The following EFCAB6 variants were observed in gnomAD, a reference collection of about 807,000 sequenced individuals.
EFCAB6 encodes EF-hand calcium binding domain 6, also known as EF-hand calcium-binding domain-containing protein 6.
In EFCAB6, 156 loss-of-function variants were observed where a neutral mutation model predicts 169.8. That is an observed-to-expected ratio of 0.92 (90% confidence interval 0.81 to 1.05). EFCAB6 has a LOEUF of 1.05. Among genes scored for constraint, EFCAB6 ranks in the 50% least tolerant of loss-of-function variants. The probability of loss-of-function intolerance (pLI) is 0.00; values close to 1 mark genes in which losing one functional copy is unlikely to be tolerated. For missense variants in EFCAB6, 1,800 were observed against 1,829.1 expected (o/e 0.98, Z 0.29); for synonymous variants, 698 against 676.4 (o/e 1.03, Z -0.50).
intron 15 of EFCAB6, 30 bp from the exon 16 acceptor site, chr22:43,669,075 T>C (rs1225522081): frequency 1.3e-6 from 2 of 1,538,214 alleles, no homozygotes; most frequent in East Asian, 2.3e-5. Context: ...TAAAACACAC[T>C]CAGTAGAGTA....
chr22:43,556,222 G>A (rs191736781), intron 26 of EFCAB6, among the ~76,000 whole-genome samples: 1 of 152,114 alleles, frequency 6.6e-6, no homozygotes, highest in Admixed American at 6.5e-5. Flanking sequence ...GGTCAGGGGT[G>A]GGGGGAAATG....
intron 3 of EFCAB6, among the ~76,000 whole-genome samples, chr22:43,777,652 A>C (rs879756296): frequency 9.9e-5 from 15 of 151,972 alleles, no homozygotes; most frequent in Non-Finnish European, 1.8e-4. Context: ...TCAGAGGGAG[A>C]TCCCTCTTGT....
intron 17 of EFCAB6, among the ~76,000 whole-genome samples, chr22:43,638,980 T>A (rs2055621524): frequency 6.6e-6 from 1 of 152,048 alleles, no homozygotes; most frequent in Admixed American, 6.5e-5. Context: ...AGATGGGGTT[T>A]CTCCATGTTG....
intron 19 of EFCAB6, among the ~76,000 whole-genome samples, chr22:43,631,631 T>C (rs1205135329): frequency 6.6e-6 from 1 of 152,006 alleles, no homozygotes; most frequent in Non-Finnish European, 1.5e-5. Context: ...CCAATTACTA[T>C]GAATATGACT....
At chr22:43,573,802 G>A (rs931127678) in intron 26 of EFCAB6, among the ~76,000 whole-genome samples, 1 of 151,402 alleles carries the variant, frequency 6.6e-6, no homozygotes, top group African/African-American at 2.4e-5. Context: ...TGTCCCAAGG[G>A]GTGATTGTAA....
At chr22:43,555,194 G>A (rs778950625) in intron 26 of EFCAB6, 98 bp from the exon 27 acceptor site, 59 of 1,285,330 alleles carry the variant, frequency 4.6e-5, no homozygotes, top group Non-Finnish European at 5.3e-5. Context: ...GAGACCCAGC[G>A]TGGTGGGGAG....
At chr22:43,650,857 G>A (rs1602959746) in intron 17 of EFCAB6, among the ~76,000 whole-genome samples, 1 of 151,930 alleles carries the variant, frequency 6.6e-6, no homozygotes, top group Non-Finnish European at 1.5e-5. Flanking sequence ...CTGCCCTAGA[G>A]ATTTGTGGAA....
intron 8 of EFCAB6, among the ~76,000 whole-genome samples, chr22:43,721,537 A>G (rs1005715468): frequency 6.6e-6 from 1 of 152,218 alleles, no homozygotes; most frequent in African/African-American, 2.4e-5. Context: ...ACACTAGTAC[A>G]AAAACAGACA....
At position 43,781,181 on chromosome 22, in the gene EFCAB6, A is replaced by G. The variant is rs548772863; in HGVS notation, c.139+999T>C. 4.6e-5 allele frequency among the ~76,000 whole-genome samples: 7 copies of G among 152,356 alleles called. 1 individual carries two copies. Among genetic ancestry groups the G allele is most frequent in the African/African-American group, 1.7e-4 (7 of 41,584 alleles). ...AAAGGATACGTATTTTTGGAAAATA[A>G]TAACGTCAAATTCTGTTGCTTTTAA... On this transcript the variant is annotated intron_variant, in intron 3 of 31. Coordinates refer to ENST00000262726, the MANE Select transcript of EFCAB6 (RefSeq NM_022785.4).
chr22:43,640,259 C>T (rs5764176), intron 17 of EFCAB6, among the ~76,000 whole-genome samples: 35,204 of 152,020 alleles, frequency 0.23, 5,335 homozygotes, highest in East Asian at 0.62. Flanking sequence ...CAAAGAGTGA[C>T]ATGTTTTATG....
chr22:43,600,106 C>T lies in EFCAB6; in HGVS notation c.2839G>A (p.Glu947Lys). The change falls in exon 23 of 32, where the codon GAG (glutamate) becomes AAG (lysine). Residue 947 changes from glutamate (E) to lysine (K), a missense_variant. Physicochemically the swap from Glu to Lys is moderately conservative, Grantham distance 56 (BLOSUM62 1). Coordinates refer to ENST00000262726, the MANE Select transcript of EFCAB6 (RefSeq NM_022785.4). The part of the protein sequence containing the change: ...KPQQLQEEMK[E>K]LQQSTEKAVA... ...GCCTTCTCTGTGCTCTGCTGCAGCT[C>T]CTTCATCTCTTCCTGTAGCTGCTGT... The T allele has an allele frequency of 6.2e-7, 1 of 1,614,100 alleles. No individual in the cohort carries two copies. The highest frequency in any genetic ancestry group is 8.5e-7 in the Non-Finnish European group (1 of 1,180,012).
intron 12 of EFCAB6, among the ~76,000 whole-genome samples, chr22:43,680,689 A>G (rs1340034485): frequency 2.0e-5 from 3 of 152,048 alleles, no homozygotes; most frequent in Admixed American, 6.6e-5. Context: ...ATTCCTAGGT[A>G]TTTTATTCTT....
rs780860882 is a variant in EFCAB6 at position 43,600,180 on chromosome 22, C to T, written c.2765G>A (p.Arg922Gln). The change falls in exon 23 of 32, where the codon CGG (arginine) becomes CAG (glutamine). Residue 922 changes from arginine (R) to glutamine (Q), a missense_variant. Coordinates refer to ENST00000262726, the MANE Select transcript of EFCAB6 (RefSeq NM_022785.4). ...GTTGAAATAATCCTCTGCACAGGGC[C>T]GATGGACAGCAGGCGAATAGTTAAT... ...LGINYSPAVH[R>Q]PCAEDYFNFM... 11 of 1,614,030 alleles carry T rather than the reference C, an allele frequency of 6.8e-6. No homozygotes were observed. The highest frequency in any genetic ancestry group is 4.4e-5 in the South Asian group (4 of 91,060).
chr22:43,569,889 A>T (rs1351396658), intron 26 of EFCAB6, among the ~76,000 whole-genome samples: 1 of 152,222 alleles, frequency 6.6e-6, no homozygotes, highest in Non-Finnish European at 1.5e-5. Flanking sequence ...ATATCTTAAT[A>T]ATTTACTTAA....
intron 16 of EFCAB6, among the ~76,000 whole-genome samples, 154 bp from the exon 17 acceptor site, chr22:43,667,426 C>T (rs2057313451): frequency 6.6e-6 from 1 of 152,130 alleles, no homozygotes; most frequent in South Asian, 2.1e-4. Flanking sequence ...TCAGGGGCTT[C>T]TTACCCTCCC....
intron 20 of EFCAB6, among the ~76,000 whole-genome samples, chr22:43,624,903 G>A (rs777105884): frequency 1.3e-5 from 2 of 152,066 alleles, no homozygotes; most frequent in Admixed American, 6.5e-5. Context: ...ATGTTCGTTC[G>A]GCAGAGAATG....
intron 12 of EFCAB6, among the ~76,000 whole-genome samples, chr22:43,683,241 G>C (rs1318798277): frequency 6.6e-6 from 1 of 152,184 alleles, no homozygotes; most frequent in Non-Finnish European, 1.5e-5. Context: ...AGTCAGACAG[G>C]AGCTAATGGT....
At chr22:43,657,499 A>T (rs1246533446) in intron 17 of EFCAB6, among the ~76,000 whole-genome samples, 1 of 152,184 alleles carries the variant, frequency 6.6e-6, no homozygotes, top group Non-Finnish European at 1.5e-5. Flanking sequence ...CCATTAGAAA[A>T]AGAAAACAAT....
chr22:43,793,082 T>C (rs1388179152), intron 2 of EFCAB6, among the ~76,000 whole-genome samples: 3 of 152,162 alleles, frequency 2.0e-5, no homozygotes, highest in Non-Finnish European at 4.4e-5. Flanking sequence ...TTACACCACC[T>C]GAGGAGTAAG....
Sources: gnomAD v4.1 joint callset for allele counts (sites outside exome capture counted in the v4.1 genomes callset) on GRCh38, gnomAD v4.1.1 for gene constraint, MANE v1.5 for transcripts, NCBI Gene and HGNC (gene_info 2026-07-23, HGNC 2026-07-21) for gene names.